The following ELOVL5 variants were observed in gnomAD, a reference collection of about 807,000 sequenced individuals.
ELOVL5 encodes ELOVL fatty acid elongase 5, also known as very long chain fatty acid elongase 5.
In ELOVL5, 8 loss-of-function variants were observed where a neutral mutation model predicts 38.6. The ratio of observed to expected loss-of-function variants is 0.21; its 90% CI spans 0.12 to 0.37. The LOEUF (loss-of-function observed/expected upper bound fraction) is 0.37. Ranked by LOEUF, ELOVL5 falls within the 10% of genes least tolerant of loss-of-function variation. The pLI, the probability that ELOVL5 is intolerant of heterozygous loss-of-function variation, is 1.00. For missense variants in ELOVL5, 280 were observed against 367.8 expected (o/e 0.76, Z 1.95); for synonymous variants, 127 against 133.7 (o/e 0.95, Z 0.34).
chr6:53,275,707 G>A (rs556670656), intron 4 of ELOVL5, among the ~76,000 whole-genome samples: 1 of 152,334 alleles, frequency 6.6e-6, no homozygotes, highest in South Asian at 2.1e-4. Context: ...AGAACCTGCA[G>A]TGTCAGGTCT....
chr6:53,311,411 A>G (rs1460699762), intron 1 of ELOVL5, among the ~76,000 whole-genome samples: 1 of 152,184 alleles, frequency 6.6e-6, no homozygotes, highest in African/African-American at 2.4e-5. Flanking sequence ...TCTGCTGTGG[A>G]AAATAGTTTG....
intron 1 of ELOVL5, among the ~76,000 whole-genome samples, chr6:53,331,988 A>G (rs986264457): frequency 6.6e-6 from 1 of 152,192 alleles, no homozygotes; most frequent in Non-Finnish European, 1.5e-5. Context: ...GAGAGGAAGC[A>G]AGACAAAGAA....
intron 1 of ELOVL5, among the ~76,000 whole-genome samples, chr6:53,304,698 C>A (rs1300997394): frequency 6.6e-6 from 1 of 152,176 alleles, no homozygotes; most frequent in East Asian, 1.9e-4. Flanking sequence ...ATCCATTTAA[C>A]CCTGAGTGGA....
intron 1 of ELOVL5, among the ~76,000 whole-genome samples, chr6:53,341,148 GGTT>G (rs777050441): frequency 2.0e-4 from 31 of 152,114 alleles, no homozygotes; most frequent in Non-Finnish European, 4.1e-4. Flanking sequence ...CCAAAAAAGA[GGTT>G]TAAGTTCAAA....
intron 3 of ELOVL5, among the ~76,000 whole-genome samples, chr6:53,282,363 G>A (rs890931213): frequency 2.0e-5 from 3 of 152,262 alleles, no homozygotes; most frequent in Non-Finnish European, 4.4e-5. Context: ...AGCTCTCCAG[G>A]TGTTGCAGGG....
At chr6:53,275,009 C>T in intron 5 of ELOVL5, 81 bp downstream of exon 5, 2 of 1,366,990 alleles carry the variant, frequency 1.5e-6, no homozygotes, top group Non-Finnish European at 2.0e-6. Flanking sequence ...TTTACAGAAA[C>T]AGCACCTTTT....
chr6:53,278,627 T>G (rs555349107), intron 3 of ELOVL5, among the ~76,000 whole-genome samples: 27 of 152,146 alleles, frequency 1.8e-4, no homozygotes, highest in Non-Finnish European at 2.9e-4. Flanking sequence ...GGTGGTGAAC[T>G]TTTTTCACTC....
chr6:53,341,860 C>T (rs1769347185), intron 1 of ELOVL5, among the ~76,000 whole-genome samples: 1 of 152,162 alleles, frequency 6.6e-6, no homozygotes, highest in South Asian at 2.1e-4. Context: ...ATGTACAATA[C>T]TGATAGTTTT....
chr6:53,341,853 T>C (rs1477267675), intron 1 of ELOVL5, among the ~76,000 whole-genome samples: 1 of 152,220 alleles, frequency 6.6e-6, no homozygotes, highest in Non-Finnish European at 1.5e-5. Flanking sequence ...AACTTTCATG[T>C]ACAATACTGA....
chr6:53,344,170 G>A (rs1005548987), intron 1 of ELOVL5, among the ~76,000 whole-genome samples: 1 of 152,212 alleles, frequency 6.6e-6, no homozygotes. Context: ...TGAAGAGGAG[G>A]AATTGGAAGA....
intron 5 of ELOVL5, 41 bp from the exon 6 acceptor site, chr6:53,273,385 G>A (rs1015748169): frequency 2.5e-6 from 4 of 1,575,094 alleles, no homozygotes; most frequent in African/African-American, 2.8e-5. Flanking sequence ...ATGTATTAGT[G>A]TTTTAAACAG....
chr6:53,346,840 GAA>G (rs1769568641), intron 1 of ELOVL5, among the ~76,000 whole-genome samples: 1 of 152,132 alleles, frequency 6.6e-6, no homozygotes, highest in South Asian at 2.1e-4. Flanking sequence ...AGAGGTAGTG[GAA>G]AAAAAGATTC....
At chr6:53,278,205 G>A (rs1452185184) in intron 3 of ELOVL5, among the ~76,000 whole-genome samples, 3 of 152,166 alleles carry the variant, frequency 2.0e-5, no homozygotes, top group Non-Finnish European at 2.9e-5. Context: ...GGTGTCCAGA[G>A]ACATCCTGGG....
chr6:53,297,363 G>A (rs1190873726), intron 1 of ELOVL5, among the ~76,000 whole-genome samples: 3 of 152,118 alleles, frequency 2.0e-5, no homozygotes, highest in Non-Finnish European at 2.9e-5. Flanking sequence ...CTGAAAATAC[G>A]AGGTGGGAAA....
chr6:53,286,097 A>G (rs1172917877), intron 3 of ELOVL5, among the ~76,000 whole-genome samples: 1 of 152,242 alleles, frequency 6.6e-6, no homozygotes, highest in African/African-American at 2.4e-5. Context: ...GGTATAAAAT[A>G]ACTATTAACA....
chr6:53,291,657 T>C (rs1379974893), intron 3 of ELOVL5, 119 bp downstream of exon 3: 7 of 684,338 alleles, frequency 1.0e-5, no homozygotes, highest in Non-Finnish European at 1.7e-5. Flanking sequence ...TTAAGATACT[T>C]GCTTGCCCAG....
At chr6:53,294,205 C>T (rs1766889439) in intron 2 of ELOVL5, 2 of 1,478,094 alleles carry the variant, frequency 1.4e-6, no homozygotes, top group Non-Finnish European at 1.8e-6. Flanking sequence ...GGGCACCTGA[C>T]CCGAACTCCA....
chr6:53,310,884 C>T (rs9370194), intron 1 of ELOVL5, among the ~76,000 whole-genome samples: 55,317 of 152,022 alleles, frequency 0.36, 11,180 homozygotes, highest in African/African-American at 0.55. Flanking sequence ...CAGAAAAGAC[C>T]GTTGGTTTTT....
At chr6:53,302,392 C>T (rs965451525) in intron 1 of ELOVL5, among the ~76,000 whole-genome samples, 1 of 152,216 alleles carries the variant, frequency 6.6e-6, no homozygotes, top group African/African-American at 2.4e-5. Context: ...TTCCACTTGG[C>T]TCCCAAGGAC....
Sources: gnomAD v4.1 joint callset for allele counts (sites outside exome capture counted in the v4.1 genomes callset) on GRCh38, gnomAD v4.1.1 for gene constraint, MANE v1.5 for transcripts, NCBI Gene and HGNC (gene_info 2026-07-23, HGNC 2026-07-21) for gene names.